The following APBB1IP variants were observed in gnomAD, a reference collection of about 807,000 sequenced individuals.
The protein encoded by APBB1IP is amyloid beta precursor protein binding family B member 1 interacting protein, also known as amyloid beta A4 precursor protein-binding family B member 1-interacting protein.
In APBB1IP, 27 loss-of-function variants were observed where a neutral mutation model predicts 64.9. The ratio of observed to expected loss-of-function variants is 0.42; its 90% CI spans 0.31 to 0.57. APBB1IP has a LOEUF of 0.57. Ranked by LOEUF, APBB1IP falls within the 20% of genes least tolerant of loss-of-function variation. The pLI is 0.20. For missense variants in APBB1IP, 812 were observed against 845.5 expected (o/e 0.96, Z 0.49); for synonymous variants, 392 against 331.0 (o/e 1.18, Z -2.00).
intron 11 of APBB1IP, among the ~76,000 whole-genome samples, chr10:26,542,258 G>T: frequency 6.6e-6 from 1 of 152,138 alleles, no homozygotes; most frequent in South Asian, 2.1e-4. Context: ...CCAGGCTCAA[G>T]CAATCCTCCT....
chr10:26,560,823 G>A lies in APBB1IP; in HGVS notation c.1348G>A (p.Ala450Thr). 6.2e-7 allele frequency: 1 copy of A among 1,600,014 alleles called. No homozygotes were observed. Among genetic ancestry groups the A allele is most frequent in the Non-Finnish European group, 8.5e-7 (1 of 1,173,498 alleles). ...AAACTTGGGGACAGTCAATGCAGCT[G>A]CACCAGCTCAGCCATCTACAGGTAC... is the stretch of plus-strand genomic sequence containing the variant. Reference protein sequence around the residue: ...WTNLGTVNAAAPAQPSTGPKT... With the variant: ...WTNLGTVNAATPAQPSTGPKT... The change falls in exon 13 of 15, where the codon GCA becomes ACA. Residue 450 changes from alanine to threonine, a missense_variant. This residue lies in a region of APBB1IP where 381 missense variants were observed against 352.1 expected (regional missense o/e 1.08). Transcript: ENST00000376236.
chr10:26,523,328 T>G (rs958379936), intron 8 of APBB1IP, among the ~76,000 whole-genome samples: 26 of 152,294 alleles, frequency 1.7e-4, no homozygotes, highest in Middle Eastern at 3.4e-3. Context: ...GACCAGATAA[T>G]TAGGTACCTT....
At chr10:26,482,185 G>A (rs547359509) in intron 2 of APBB1IP, among the ~76,000 whole-genome samples, 12 of 152,074 alleles carry the variant, frequency 7.9e-5, no homozygotes, top group African/African-American at 1.4e-4. Flanking sequence ...GATTTTCACC[G>A]ATCTCAGGGG....
intron 2 of APBB1IP, among the ~76,000 whole-genome samples, chr10:26,470,141 C>T (rs1477350009): frequency 6.6e-6 from 1 of 152,204 alleles, no homozygotes; most frequent in African/African-American, 2.4e-5. Context: ...AAGCAACACA[C>T]ATTTAGTAGA....
At chr10:26,459,597 C>A (rs1439821384) in intron 2 of APBB1IP, among the ~76,000 whole-genome samples, 3 of 152,212 alleles carry the variant, frequency 2.0e-5, no homozygotes, top group African/African-American at 7.2e-5. Context: ...TCTCCAGCAC[C>A]TGTTGTTTCC....
chr10:26,467,504 C>T (rs1835663076), intron 2 of APBB1IP, among the ~76,000 whole-genome samples: 1 of 152,172 alleles, frequency 6.6e-6, no homozygotes, highest in Admixed American at 6.5e-5. Flanking sequence ...CCAGCCTGGG[C>T]AACATAGTGA....
intron 2 of APBB1IP, among the ~76,000 whole-genome samples, chr10:26,490,905 T>C (rs1835947047): frequency 6.6e-6 from 1 of 152,124 alleles, no homozygotes; most frequent in Admixed American, 6.6e-5. Flanking sequence ...AAATAATACA[T>C]ACTGATTCCC....
intron 8 of APBB1IP, among the ~76,000 whole-genome samples, chr10:26,525,738 G>T (rs939289579): frequency 6.6e-6 from 1 of 152,190 alleles, no homozygotes; most frequent in Non-Finnish European, 1.5e-5. Context: ...TTTATTTAAT[G>T]TAAGTAACAC....
At chr10:26,518,997 G>T (rs1389691943) in intron 8 of APBB1IP, among the ~76,000 whole-genome samples, 1 of 152,156 alleles carries the variant, frequency 6.6e-6, no homozygotes, top group Admixed American at 6.6e-5. Context: ...AGAAATACCT[G>T]AGACTAGGTA....
chr10:26,505,390 T>C (rs1312281061), intron 6 of APBB1IP, among the ~76,000 whole-genome samples: 4 of 152,180 alleles, frequency 2.6e-5, no homozygotes, highest in East Asian at 3.9e-4. Context: ...CAGTCCATCA[T>C]TGGAACTCCA....
chr10:26,463,861 A>G (rs1835620448), intron 2 of APBB1IP, among the ~76,000 whole-genome samples: 2 of 152,182 alleles, frequency 1.3e-5, no homozygotes, highest in Admixed American at 1.3e-4. Context: ...CCCCACATGC[A>G]TTAGGTATTT....
chr10:26,458,389 AGGAAGGAAGGAAGGTAGGAAAAG>A (rs1298412849), intron 2 of APBB1IP, among the ~76,000 whole-genome samples: 2 of 150,634 alleles, frequency 1.3e-5, no homozygotes, highest in Non-Finnish European at 3.0e-5. Flanking sequence ...CTCTGTCGAA[AGGAAGGAAGGAAGGTAGGAAAAG>A]GGAAGGAAGG....
chr10:26,517,716 G>T (rs759867328), intron 8 of APBB1IP, among the ~76,000 whole-genome samples: 1 of 152,242 alleles, frequency 6.6e-6, no homozygotes, highest in African/African-American at 2.4e-5. Context: ...CATAGCACTA[G>T]CTTATTCTTT....
At chr10:26,523,480 T>A (rs1040407324) in intron 8 of APBB1IP, among the ~76,000 whole-genome samples, 1 of 152,234 alleles carries the variant, frequency 6.6e-6, no homozygotes, top group Non-Finnish European at 1.5e-5. Flanking sequence ...AGTAAGATTC[T>A]GTGTGGGTGC....
chr10:26,515,032 C>T (rs1276741346), intron 8 of APBB1IP, among the ~76,000 whole-genome samples: 3 of 123,650 alleles, frequency 2.4e-5, no homozygotes, highest in African/African-American at 9.8e-5. Flanking sequence ...ACACCACCCC[C>T]GGCTAATTTT....
intron 2 of APBB1IP, among the ~76,000 whole-genome samples, chr10:26,487,211 C>CCT (rs371254233): frequency 0.11 from 14,395 of 126,580 alleles, 808 homozygotes; most frequent in Middle Eastern, 0.2. Flanking sequence ...TTTTTTTTTT[C>CCT]CTCTCTCTCT....
chr10:26,441,345 G>C (rs1446893985), intron 2 of APBB1IP, among the ~76,000 whole-genome samples: 1 of 152,088 alleles, frequency 6.6e-6, no homozygotes, highest in Non-Finnish European at 1.5e-5. Context: ...TAGATATCTG[G>C]AACAGTAATC....
At chr10:26,549,637 AT>A (rs2132475647) in intron 11 of APBB1IP, among the ~76,000 whole-genome samples, 1 of 151,760 alleles carries the variant, frequency 6.6e-6, no homozygotes, top group East Asian at 1.9e-4. Context: ...GATCTTTTGT[AT>A]TTCTGTAGTA....
rs1225077094 is a variant in APBB1IP, at chr10:26,567,144, T to A, written c.1657T>A (p.Phe553Ile). 1.8e-5 allele frequency: 25 copies of A among 1,416,924 alleles called. No homozygotes were observed. The East Asian group carries it at 4.7e-4, about 27-fold the overall frequency. 87.8% of individuals were successfully genotyped at this position (1,416,924 alleles called of 1,614,324 possible). A position where few individuals can be genotyped will look rare whatever the true frequency, so the allele number is the denominator to read the frequency against. ...GGGLPAPPDDFLPPPPPPPPL... is the reference protein window; with the variant it reads ...GGGLPAPPDDILPPPPPPPPL... ...GGGCTTGCCCGCCCCACCCGACGAC[T>A]TCCTGCCGCCGCCGCCACCGCCGCC... The change falls in exon 15 of 15, where the codon TTC (phenylalanine) becomes ATC (isoleucine). Residue 553 changes from phenylalanine (F) to isoleucine (I), a missense_variant. By Grantham distance (21) the Phe-to-Ile change is conservative. Transcript: ENST00000376236.
Sources: allele counts gnomAD v4.1 joint callset (sites outside exome capture counted in the v4.1 genomes callset), GRCh38; gene constraint gnomAD v4.1.1; regional missense constraint gnomAD v4.1.1; transcripts MANE v1.5; gene names NCBI Gene and HGNC (gene_info 2026-07-23, HGNC 2026-07-21).